TRIM34: variants seen among roughly 807,000 people sequenced by gnomAD.
TRIM34 encodes E3 ubiquitin-protein ligase TRIM34.
A neutral mutation model predicts 38.1 loss-of-function variants in TRIM34; 41 were observed. The observed-to-expected ratio is 1.08, with a 90% CI of 0.84 to 1.40. The LOEUF is 1.40. Among genes scored for constraint, TRIM34 ranks in the 40% most tolerant of loss-of-function variants. The pLI, the probability that TRIM34 is intolerant of heterozygous loss-of-function variation, is 0.00. For missense variants in TRIM34, 556 were observed against 571.4 expected (o/e 0.97, Z 0.27); for synonymous variants, 200 against 202.5 (o/e 0.99, Z 0.10).
intron 6 of TRIM34, 27 bp downstream of exon 6, chr11:5,642,533 G>A (rs764195146): frequency 6.2e-7 from 1 of 1,611,024 alleles, no homozygotes; most frequent in Non-Finnish European, 8.5e-7. Flanking sequence ...AAAGACTGTG[G>A]ATGTGGGATT....
upstream of TRIM34, among the ~76,000 whole-genome samples, chr11:5,620,497 A>C (rs1848954268): frequency 6.6e-6 from 1 of 152,118 alleles, no homozygotes; most frequent in African/African-American, 2.4e-5. Flanking sequence ...CACTGCGTCC[A>C]GCCAAGCTTT....
Position 5,643,767 on chromosome 11 carries a change from C to A in TRIM34, c.*58C>A. On this transcript the variant is annotated 3_prime_UTR_variant, in exon 8 of 8. Coordinates refer to ENST00000429814, the MANE Select transcript of TRIM34 (RefSeq NM_021616.6). Reference sequence around the variant, plus strand: ...CTTGACTTATCTCCTGCAACTGACTCATCTGCAACATTCACACCATTGCTT... The same window carrying A: ...CTTGACTTATCTCCTGCAACTGACTAATCTGCAACATTCACACCATTGCTT... 1 of 1,520,918 alleles carries A rather than the reference C, an allele frequency of 6.6e-7. No homozygotes were observed. The highest frequency in any genetic ancestry group is 1.4e-5 in the South Asian group (1 of 73,904). 94.2% of individuals were successfully genotyped at this position (1,520,918 alleles called of 1,614,324 possible). A position where few individuals can be genotyped will look rare whatever the true frequency, so the allele number is the denominator to read the frequency against.
intron 4 of TRIM34, among the ~76,000 whole-genome samples, chr11:5,635,525 G>T (rs1229497917): frequency 2.0e-5 from 3 of 151,932 alleles, no homozygotes; most frequent in Non-Finnish European, 4.4e-5. Flanking sequence ...CAAAATGCTG[G>T]GATTACAGGC....
At chr11:5,640,920 A>G (rs1449343825) in intron 4 of TRIM34, among the ~76,000 whole-genome samples, 7 of 117,422 alleles carry the variant, frequency 6.0e-5, no homozygotes, top group Non-Finnish European at 1.2e-4. Flanking sequence ...AAGATTATCT[A>G]ATTTGTTGGC....
At chr11:5,636,434 C>T (rs1233766642) in intron 4 of TRIM34, among the ~76,000 whole-genome samples, 2 of 152,210 alleles carry the variant, frequency 1.3e-5, no homozygotes, top group Non-Finnish European at 2.9e-5. Context: ...TCTGGATTTA[C>T]TGTGCAATGA....
chr11:5,621,486 C>T (rs1848990332), upstream of TRIM34, among the ~76,000 whole-genome samples: 1 of 152,170 alleles, frequency 6.6e-6, no homozygotes, highest in South Asian at 2.1e-4. Flanking sequence ...TAAACTTGCT[C>T]ATTTTTCTGT....
upstream of TRIM34, chr11:5,624,709 G>A (rs560402127): frequency 2.6e-5 from 4 of 152,312 alleles, no homozygotes; most frequent in South Asian, 8.3e-4. Context: ...TACCCACTAA[G>A]ATGCCAGTAG....
At chr11:5,625,968 G>T (rs1201406865) in intron 1 of TRIM34, among the ~76,000 whole-genome samples, 1 of 152,244 alleles carries the variant, frequency 6.6e-6, no homozygotes, top group Non-Finnish European at 1.5e-5. Context: ...ATTTGATATA[G>T]AGTATGTCCT....
In TRIM34 at chr11:5,632,729, C is replaced by G. The variant is rs775087333; in HGVS notation, c.398C>G (p.Thr133Arg). 6.2e-7 allele frequency: 1 copy of G among 1,605,770 alleles called. No individual in the cohort carries two copies. The highest frequency in any genetic ancestry group is 8.5e-7 in the Non-Finnish European group (1 of 1,175,434). The change falls in exon 2 of 8, where the codon ACG becomes AGG. Residue 133 changes from threonine to arginine, a missense_variant. By Grantham distance (71) the Thr-to-Arg change is moderately conservative. Transcript: ENST00000429814. ...CACCGTGGTCACCACACAGTCCTCA[C>G]GGAGGAAGTATTCAAGGAATGTCAG... ...QEHRGHHTVLTEEVFKECQEK... is the reference protein window; with the variant it reads ...QEHRGHHTVLREEVFKECQEK...
At chr11:5,635,140 T>C (rs1243678288) in intron 4 of TRIM34, among the ~76,000 whole-genome samples, 1 of 152,220 alleles carries the variant, frequency 6.6e-6, no homozygotes, top group Non-Finnish European at 1.5e-5. Context: ...CTCTTTACTC[T>C]GGTTAGTCAC....
intron 4 of TRIM34, 73 bp from the exon 5 acceptor site, chr11:5,641,094 T>TTTTTTTCTTTC: frequency 6.6e-7 from 1 of 1,516,848 alleles, no homozygotes; most frequent in Non-Finnish European, 8.9e-7. Flanking sequence ...TTTTTCCTAC[T>TTTTTTTCTTTC]GTTCTTCTTT....
At chr11:5,622,254 G>C (rs962497172), upstream of TRIM34, among the ~76,000 whole-genome samples, 4 of 152,004 alleles carry the variant, frequency 2.6e-5, no homozygotes, top group Admixed American at 6.6e-5. Flanking sequence ...GACCATCCTG[G>C]CCAACATGGT....
intron 2 of TRIM34, 42 bp downstream of exon 2, chr11:5,632,796 T>G (rs114234842): frequency 1.3e-6 from 2 of 1,509,388 alleles, no homozygotes; most frequent in African/African-American, 1.4e-5. Context: ...AAGATGGTAG[T>G]TGGTGGAAAA....
rs557371740 is a variant in TRIM34, at chr11:5,641,811, A to G, written c.774-595A>G. 3.0e-4 allele frequency among the ~76,000 whole-genome samples: 46 copies of G among 152,320 alleles called. 1 individual carries two copies. The East Asian group carries it at 7.3e-3, about 24-fold the overall frequency. On this transcript the variant is annotated intron_variant, in intron 5 of 7. Transcript: ENST00000429814. The stretch of plus-strand genomic sequence containing the variant: ...CACTTGGAAACATCAAGTTTCTTAC[A>G]AAGACATAAAATTCTAACCATTTTT...
chr11:5,641,752 T>G (rs1385313391), intron 5 of TRIM34, among the ~76,000 whole-genome samples: 1 of 152,212 alleles, frequency 6.6e-6, no homozygotes, highest in African/African-American at 2.4e-5. Flanking sequence ...TGGAAAAGTG[T>G]AGTCCTTGTT....
Position 5,632,252 on chromosome 11 carries a change from C to T in TRIM34, c.-77-3C>T. ...TTATACCATCCCCTTTCAATCTTCT[C>T]AGCCATCCAGGGGTCTTTAACCAGA... On this transcript the variant is annotated splice_region_variant and splice_polypyrimidine_tract_variant and intron_variant, in intron 1 of 7. Transcript: ENST00000429814. 1 of 1,591,264 alleles carries T rather than the reference C, an allele frequency of 6.3e-7. No individual in the cohort carries two copies. Among genetic ancestry groups the T allele is most frequent in the Non-Finnish European group, 8.5e-7 (1 of 1,171,606 alleles).
Position 5,634,012 on chromosome 11 carries a change from T to C in TRIM34, c.519+113T>C. 4 of 1,125,864 alleles carry C rather than the reference T, an allele frequency of 3.6e-6. No homozygotes were observed. The South Asian group carries it at 6.2e-5, about 17-fold the overall frequency. The allele number at this position is 1,125,864 out of a possible 1,614,324, so 69.7% of individuals were successfully genotyped here. On this transcript the variant is annotated intron_variant, in intron 3 of 7. Transcript: ENST00000429814. ...TTGCATGAGTCCTGAAGCCATTTGATTAGTTCTCTTCTCTGTCCTGTCCCT... is the reference window on the plus strand; with the variant it reads ...TTGCATGAGTCCTGAAGCCATTTGACTAGTTCTCTTCTCTGTCCTGTCCCT...
Position 5,625,077 on chromosome 11 carries a change from G to GT in TRIM34, c.-78+18dup, listed in dbSNP as rs1849142043. 6.6e-6 allele frequency: 1 copy of GT among 152,316 alleles called. No homozygotes were observed. Among genetic ancestry groups the GT allele is most frequent in the East Asian group, 1.9e-4 (1 of 5,186 alleles). The allele number at this position is 152,316 out of a possible 1,614,324, so 9.4% of individuals were successfully genotyped here. On this transcript the variant is annotated intron_variant, in intron 1 of 7. Transcript: ENST00000429814. ...GCTCTGAAGGTGTGTGGGGAGGTTT[G>GT]TGGGGGGTAGAGGGTATGAGACTCC...
At chr11:5,639,038 A>G (rs190871091) in intron 4 of TRIM34, among the ~76,000 whole-genome samples, 4 of 152,232 alleles carry the variant, frequency 2.6e-5, no homozygotes, top group Admixed American at 2.0e-4. Flanking sequence ...CTTTCTCTAG[A>G]GTCTTGGAAA....
Sources: allele counts gnomAD v4.1 joint callset (sites outside exome capture counted in the v4.1 genomes callset), GRCh38; gene constraint gnomAD v4.1.1; transcripts MANE v1.5; gene names NCBI Gene and HGNC (gene_info 2026-07-23, HGNC 2026-07-21).